DIP2C: variants seen among roughly 807,000 people sequenced by gnomAD.
The protein encoded by DIP2C is disco-interacting protein 2 homolog C.
Under a neutral mutation model 192.4 loss-of-function variants are expected in DIP2C, and 33 were observed. The ratio of observed to expected loss-of-function variants is 0.17; its 90% CI spans 0.13 to 0.23. The LOEUF (loss-of-function observed/expected upper bound fraction) is 0.23. DIP2C is among the 10% of genes least tolerant of loss of function. The pLI is 1.00. For synonymous variants in DIP2C, 979 were observed against 864.1 expected, an observed-to-expected ratio of 1.13 and a Z score of -2.33; for missense variants, 1,537 against 2,110.1, an observed-to-expected ratio of 0.73 and a Z score of 5.32.
intron 32 of DIP2C, among the ~76,000 whole-genome samples, chr10:296,404 G>A (rs1237446986): frequency 6.7e-6 from 1 of 149,162 alleles, no homozygotes; most frequent in Non-Finnish European, 1.5e-5. Context: ...GCTGGAGAGG[G>A]TATGGAGAAA....
intron 1 of DIP2C, among the ~76,000 whole-genome samples, chr10:499,947 T>A (rs1722257699): frequency 6.6e-6 from 1 of 152,234 alleles, no homozygotes; most frequent in South Asian, 2.1e-4. Flanking sequence ...TCCAGTAACC[T>A]GACCCTGCCA....
At chr10:317,728 C>G (rs1271900614) in intron 31 of DIP2C, among the ~76,000 whole-genome samples, 3 of 152,200 alleles carry the variant, frequency 2.0e-5, no homozygotes, top group Non-Finnish European at 4.4e-5. Context: ...CCAGCGGTGA[C>G]TCCAACATTC....
chr10:584,089 C>G (rs1850830265), intron 1 of DIP2C, among the ~76,000 whole-genome samples: 1 of 152,170 alleles, frequency 6.6e-6, no homozygotes. Flanking sequence ...AGCACTGACT[C>G]TGAGGCTGCC....
chr10:570,482 C>G (rs1165657484), intron 1 of DIP2C, among the ~76,000 whole-genome samples: 1 of 152,140 alleles, frequency 6.6e-6, no homozygotes, highest in African/African-American at 2.4e-5. Context: ...TGACCCACAT[C>G]TCTCCACCTC....
At chr10:432,261 G>A (rs1276245720) in intron 4 of DIP2C, among the ~76,000 whole-genome samples, 1 of 152,192 alleles carries the variant, frequency 6.6e-6, no homozygotes, top group African/African-American at 2.4e-5. Flanking sequence ...AGATTGTAGA[G>A]AATTGGCATA....
intron 1 of DIP2C, among the ~76,000 whole-genome samples, chr10:542,320 C>A (rs1173100851): frequency 6.6e-6 from 1 of 152,216 alleles, no homozygotes; most frequent in Non-Finnish European, 1.5e-5. Context: ...TCATGTCCCT[C>A]AACAGATGCT....
intron 4 of DIP2C, among the ~76,000 whole-genome samples, chr10:425,666 GGAT>G (rs1478290906): frequency 5.3e-5 from 8 of 151,328 alleles, no homozygotes; most frequent in Non-Finnish European, 1.0e-4. Context: ...AATATGACAC[GGAT>G]GATACAGCAT....
chr10:577,293 C>A (rs1257273681), intron 1 of DIP2C, among the ~76,000 whole-genome samples: 1 of 152,210 alleles, frequency 6.6e-6, no homozygotes, highest in African/African-American at 2.4e-5. Flanking sequence ...CACTAATTCA[C>A]TAGCGATTAG....
rs1174715521 is a variant in DIP2C at position 274,445 on chromosome 10, TAAG to T, written c.*2877_*2879del. On this transcript the variant is annotated 3_prime_UTR_variant, in exon 37 of 37. Transcript: ENST00000280886. ...CCAGACATCTTTCCAGGGGACCAAT[TAAG>T]AAACTGCTATTTTCAGAGCAACAAA... 1 of 152,174 alleles carries T rather than the reference TAAG, an allele frequency of 6.6e-6. No individual in the cohort carries two copies. Among genetic ancestry groups the T allele is most frequent in the Non-Finnish European group, 1.5e-5 (1 of 68,020 alleles). The allele number at this position is 152,174 out of a possible 1,614,324, so 9.4% of individuals were successfully genotyped here. A position where few individuals can be genotyped will look rare whatever the true frequency, so the allele number is the denominator to read the frequency against.
At chr10:624,891 C>T (rs958426058) in intron 1 of DIP2C, among the ~76,000 whole-genome samples, 1 of 152,116 alleles carries the variant, frequency 6.6e-6, no homozygotes, top group Non-Finnish European at 1.5e-5. Flanking sequence ...GGGAGCCGCA[C>T]TGGGGACAGA....
intron 7 of DIP2C, among the ~76,000 whole-genome samples, chr10:414,929 A>G (rs1965533796): frequency 7.6e-6 from 1 of 131,348 alleles, no homozygotes; most frequent in African/African-American, 3.0e-5. Flanking sequence ...TTTGGTAGAG[A>G]CAGGGTTTTG....
Position 401,498 on chromosome 10 carries a change from TGTGATTTTAC to T in DIP2C, c.1150-2289_1150-2280del, listed in dbSNP as rs1257087856. Among the ~76,000 whole-genome samples, 39 of 149,230 alleles carry T rather than the reference TGTGATTTTAC, an allele frequency of 2.6e-4. 3 individuals are homozygous for T. The highest frequency in any genetic ancestry group is 1.4e-3 in the East Asian group (7 of 5,020). On this transcript the variant is annotated intron_variant, in intron 9 of 36. Transcript: ENST00000280886. ...TATGTGTTCATCAGCACATGAATCC[TGTGATTTTAC>T]ATGTGTGGTAGCATTAGCATTACTC...
intron 3 of DIP2C, among the ~76,000 whole-genome samples, chr10:463,416 T>C (rs1223833082): frequency 2.0e-5 from 3 of 151,940 alleles, no homozygotes; most frequent in African/African-American, 2.4e-5. Context: ...GAGAATAAAA[T>C]ACCTAGGAAT....
intron 13 of DIP2C, among the ~76,000 whole-genome samples, 197 bp downstream of exon 13, chr10:389,794 C>T (rs1018733728): frequency 6.6e-6 from 1 of 152,286 alleles, no homozygotes; most frequent in Non-Finnish European, 1.5e-5. Context: ...TAAATGTCTG[C>T]TGTTGAAGCC....
rs1197505736 is a variant in DIP2C, at chr10:426,180, C to G, written c.395-3147G>C. On this transcript the variant is annotated intron_variant, in intron 4 of 36. Transcript: ENST00000280886. ...ATGAGTTTGATGAGGTCACAGGACA[C>G]AAGATATACATATACTAGCAATAAA... Among the ~76,000 whole-genome samples the G allele has an allele frequency of 7.2e-5, 11 of 152,172 alleles. No homozygotes were observed. In the South Asian group the frequency reaches 1.9e-3, roughly 26 times the overall value.
chr10:393,778 CAAAAAAAAAAAAAAAAAAGAAAAA>C (rs1963688698), intron 10 of DIP2C, among the ~76,000 whole-genome samples: 1 of 66,734 alleles, frequency 1.5e-5, no homozygotes, highest in South Asian at 6.3e-4. Flanking sequence ...GACTCCGTCT[CAAAAAAAAAAAAAAAAAAGAAAAA>C]AAAAGAAAAA....
intron 1 of DIP2C, among the ~76,000 whole-genome samples, chr10:548,474 G>T (rs148045431): frequency 6.7e-6 from 1 of 150,304 alleles, no homozygotes; most frequent in Non-Finnish European, 1.5e-5. Flanking sequence ...GAGGCAGGCA[G>T]GCAGGCAGTG....
intron 29 of DIP2C, among the ~76,000 whole-genome samples, chr10:338,438 T>C (rs1957978500): frequency 6.6e-6 from 1 of 151,868 alleles, no homozygotes; most frequent in Admixed American, 6.6e-5. Flanking sequence ...TTTTTTTTTT[T>C]TCCCACCTTC....
At chr10:423,515 C>T (rs1370876781) in intron 4 of DIP2C, among the ~76,000 whole-genome samples, 1 of 152,072 alleles carries the variant, frequency 6.6e-6, no homozygotes, top group Non-Finnish European at 1.5e-5. Flanking sequence ...CAGCTGATTT[C>T]TATGTCGGTG....
Sources: gnomAD v4.1 joint callset for allele counts (sites outside exome capture counted in the v4.1 genomes callset) on GRCh38, gnomAD v4.1.1 for gene constraint, MANE v1.5 for transcripts, NCBI Gene and HGNC (gene_info 2026-07-23, HGNC 2026-07-21) for gene names.